The following SBSN variants were observed in gnomAD, a reference collection of about 807,000 sequenced individuals.
The protein encoded by SBSN is HLAR698.
SBSN carries 33 observed loss-of-function variants against 42.8 expected under a neutral mutation model. That is an observed-to-expected ratio of 0.77 (90% CI 0.58 to 1.03). The LOEUF (loss-of-function observed/expected upper bound fraction) is 1.03, where lower values mean the gene tolerates loss of function less well. Among genes scored for constraint, SBSN ranks in the 50% least tolerant of loss-of-function variants. SBSN has a pLI of 0.00. For missense variants in SBSN, 646 were observed against 757.3 expected (o/e 0.85, Z 1.72); for synonymous variants, 276 against 307.0 (o/e 0.90, Z 1.06).
In SBSN at chr19:35,523,390, A is replaced by G; in HGVS notation, c.*120T>C. ...CATAGTGTATCAAGTTTATTCACAA[A>G]TCCCAGTACAACCCCCTTCAGGGAT... On this transcript the variant is annotated 3_prime_UTR_variant, in exon 4 of 4. Coordinates refer to ENST00000452271, the MANE Select transcript of SBSN (RefSeq NM_001166034.2). 1.0e-6 allele frequency: 1 copy of G among 992,664 alleles called. No individual in the cohort carries two copies. The allele number at this position is 992,664 out of a possible 1,614,324, so 61.5% of individuals were successfully genotyped here.
In SBSN at chr19:35,526,996, G is replaced by A. The variant is rs1323297611; in HGVS notation, c.1286C>T (p.Thr429Ile). 4 of 1,548,718 alleles carry A rather than the reference G, an allele frequency of 2.6e-6. No homozygotes were observed. The highest frequency in any genetic ancestry group is 2.4e-5 in the East Asian group (1 of 40,866). ...TCCCTCTTTCCCAGCCTGCCCTGCT[G>A]TGTGGTGAATGTCGTGGCCAAACTG... The part of the protein sequence containing the change: ...AGQFGHDIHH[T>I]AGQAGKEGDI... The change falls in exon 1 of 4, where the codon ACA becomes ATA. Residue 429 changes from threonine to isoleucine, a missense_variant. Physicochemically the swap from Thr to Ile is moderately conservative, Grantham distance 89 (BLOSUM62 -1). Coordinates refer to ENST00000452271, the MANE Select transcript of SBSN (RefSeq NM_001166034.2).
intron 3 of SBSN, 111 bp from the exon 4 acceptor site, chr19:35,523,644 C>G (rs1026469497): frequency 9.3e-7 from 1 of 1,076,720 alleles, no homozygotes; most frequent in African/African-American, 1.6e-5. Context: ...CTGCTCTGGC[C>G]CCGGAGTTAT....
intron 1 of SBSN, among the ~76,000 whole-genome samples, chr19:35,525,987 G>A (rs1208181772): frequency 6.6e-6 from 1 of 152,024 alleles, no homozygotes; most frequent in South Asian, 2.1e-4. Context: ...CCTGGCCTCT[G>A]TTCCCCCTAC....
chr19:35,524,668 T>C, intron 3 of SBSN, 43 bp downstream of exon 3: 1 of 1,607,914 alleles, frequency 6.2e-7, no homozygotes, highest in Non-Finnish European at 8.5e-7. Flanking sequence ...TGAGCGTATC[T>C]ATCAGGACGC....
Position 35,524,725 on chromosome 19 carries a change from G to T in SBSN, c.1735C>A (p.Pro579Thr), listed in dbSNP as rs1052026565. The change falls in exon 3 of 4, where the codon CCC becomes ACC. Residue 579 changes from proline (P) to threonine (T), a missense_variant. This residue lies in a region of SBSN where 236 missense variants were observed against 225.6 expected (regional missense o/e 1.05). Coordinates refer to ENST00000452271, the MANE Select transcript of SBSN (RefSeq NM_001166034.2). ...GGGGCACTCACCCTCCACAGGGCGGGAAGGTTGATGAAAGGCGTGTTGACC... is the reference window on the plus strand; with the variant it reads ...GGGGCACTCACCCTCCACAGGGCGGTAAGGTTGATGAAAGGCGTGTTGACC... ...ASVNTPFINL[P>T]ALWRSVANIM... The T allele has an allele frequency of 1.5e-5, 24 of 1,613,948 alleles. No individual in the cohort carries two copies. Among genetic ancestry groups the T allele is most frequent in the Admixed American group, 1.0e-4 (6 of 59,986 alleles).
intron 1 of SBSN, among the ~76,000 whole-genome samples, chr19:35,525,573 G>A (rs1035243835): frequency 6.6e-5 from 10 of 151,888 alleles, no homozygotes; most frequent in South Asian, 4.2e-4. Flanking sequence ...GAGTGAGGGC[G>A]CACAGGAGTC....
rs749952312 is a variant in SBSN, at chr19:35,527,810, T to C, written c.472A>G (p.Asn158Asp). The change falls in exon 1 of 4, where the codon AAT (asparagine) becomes GAT (aspartate). Residue 158 changes from asparagine to aspartate, a missense_variant. Transcript: ENST00000452271. ...EAGKFGQGVD[N>D]AAGQAGNEAG... is the part of the protein sequence containing the mutation. ...TCATTTCCAGCCTGCCCTGCAGCAT[T>C]GTCGACTCCCTGGCCAAACTTCCCT... The C allele has an allele frequency of 4.4e-6, 7 of 1,608,718 alleles. No individual in the cohort carries two copies. In the Admixed American group the frequency reaches 1.2e-4, roughly 27 times the overall value.
At position 35,526,856 on chromosome 19, in the gene SBSN, C is replaced by T. The variant is rs758430386; in HGVS notation, c.1426G>A (p.Ala476Thr). 3 of 1,613,708 alleles carry T rather than the reference C, an allele frequency of 1.9e-6. No homozygotes were observed. Among genetic ancestry groups the T allele is most frequent in the Non-Finnish European group, 2.5e-6 (3 of 1,179,924 alleles). The change falls in exon 1 of 4, where the codon GCG (alanine) becomes ACG (threonine). Residue 476 changes from alanine (A) to threonine (T), a missense_variant. Physicochemically the swap from Ala to Thr is moderately conservative, Grantham distance 58. Coordinates refer to ENST00000452271, the MANE Select transcript of SBSN (RefSeq NM_001166034.2). ...ACCCCAGTGTGGAACCCTTGGACCG[C>T]TTTGTCTGCTTCCTTCCCGGCCTGT... ...LEQAGKEADK[A>T]VQGFHTGVHQ...
chr19:35,525,512 C>T (rs1459347427), intron 1 of SBSN, among the ~76,000 whole-genome samples: 4 of 141,356 alleles, frequency 2.8e-5, no homozygotes, highest in Admixed American at 1.4e-4. Context: ...TGGACTTCGA[C>T]GTCTGAGCCA....
rs1252054831 is a variant in SBSN, at chr19:35,527,279, C to G, written c.1003G>C (p.Gly335Arg). ...CCCTCACTGAGACCATGGTGGACCC[C>G]CTGGCCAAACCTCCCAGCCTCATTT... ...AGNEAGRFGQ[G>R]VHHGLSEGWK... The change falls in exon 1 of 4, where the codon GGG (glycine) becomes CGG (arginine). Residue 335 changes from glycine to arginine, a missense_variant. Coordinates refer to ENST00000452271, the MANE Select transcript of SBSN (RefSeq NM_001166034.2). 2.0e-5 allele frequency: 30 copies of G among 1,532,786 alleles called. No homozygotes were observed. Among genetic ancestry groups the G allele is most frequent in the Non-Finnish European group, 2.6e-5 (30 of 1,145,516 alleles). 94.9% of individuals were successfully genotyped at this position (1,532,786 alleles called of 1,614,324 possible).
chr19:35,526,567 CG>C, intron 1 of SBSN, 76 bp downstream of exon 1: 2 of 944,946 alleles, frequency 2.1e-6, no homozygotes, highest in South Asian at 1.8e-5. Flanking sequence ...CCCCCCGCCC[CG>C]CCAAATGTCC....
At chr19:35,526,538 A>T in intron 1 of SBSN, 106 bp downstream of exon 1, 1 of 1,075,130 alleles carries the variant, frequency 9.3e-7, no homozygotes, top group South Asian at 1.6e-5. Context: ...TTCTTTCACC[A>T]AACAAAGGCT....
intron 3 of SBSN, 76 bp from the exon 4 acceptor site, chr19:35,523,609 C>G (rs566323006): frequency 5.7e-5 from 84 of 1,474,584 alleles, no homozygotes; most frequent in Middle Eastern, 1.7e-4. Flanking sequence ...AGCCCCGCCC[C>G]TCGGGAGAAG....
chr19:35,526,715 C>A lies in SBSN; in HGVS notation c.1567G>T (p.Ala523Ser). The change falls in exon 1 of 4, where the codon GCC (alanine) becomes TCC (serine). Residue 523 changes from alanine to serine, a missense_variant. By Grantham distance (99) the Ala-to-Ser change is moderately conservative. Around this residue, in one of 3 missense-constraint regions of SBSN, gnomAD observed 236 missense variants for 225.6 expected, o/e 1.05. Transcript: ENST00000452271. ...GQGAHHAAGQ[A>S]GKELQNAHNG... ...TGAGCATTCTGCAGCTCCTTCCCGGCCTGGCCAGCAGCATGGTGGGCACCT... is the reference window on the plus strand; with the variant it reads ...TGAGCATTCTGCAGCTCCTTCCCGGACTGGCCAGCAGCATGGTGGGCACCT... The A allele has an allele frequency of 1.9e-6, 3 of 1,613,950 alleles. No homozygotes were observed. The highest frequency in any genetic ancestry group is 2.5e-6 in the Non-Finnish European group (3 of 1,179,968).
chr19:35,528,309 G>A lies in SBSN; in HGVS notation c.-28C>T, dbSNP rs749020365. 6.4e-7 allele frequency: 1 copy of A among 1,570,036 alleles called. No individual in the cohort carries two copies. The highest frequency in any genetic ancestry group is 8.6e-7 in the Non-Finnish European group (1 of 1,160,442). On this transcript the variant is annotated 5_prime_UTR_variant, in exon 1 of 4. Coordinates refer to ENST00000452271, the MANE Select transcript of SBSN (RefSeq NM_001166034.2). ...TGCTGGGAAGGTCGGGAAGGATGCA[G>A]AGAGGAGCCAGGGAAGCCACGCTGC...
chr19:35,527,322 A>G lies in SBSN; in HGVS notation c.960T>C (p.His320=). 6.5e-7 allele frequency: 1 copy of G among 1,532,108 alleles called. No homozygotes were observed. The allele number at this position is 1,532,108 out of a possible 1,614,324, so 94.9% of individuals were successfully genotyped here. A position where few individuals can be genotyped will look rare whatever the true frequency, so the allele number is the denominator to read the frequency against. ...CCTCATTTCCGGCCTGCCCCGCAGC[A>G]TGGTGGGCCCCCTGGCCAAATCTCC... The part of the protein sequence containing the change: ...EAGRFGQGAH[H]AAGQAGNEAG... Residue 320 remains histidine, a synonymous_variant, in exon 1 of 4, where the codon CAT becomes CAC. Coordinates refer to ENST00000452271, the MANE Select transcript of SBSN (RefSeq NM_001166034.2).
rs141613269 is a variant in SBSN at position 35,528,256 on chromosome 19, G to A, written c.26C>T (p.Ser9Phe). 165 of 1,612,426 alleles carry A rather than the reference G, an allele frequency of 1.0e-4. No homozygotes were observed. Among genetic ancestry groups the A allele is most frequent in the Non-Finnish European group, 1.3e-4 (152 of 1,179,672 alleles). The change falls in exon 1 of 4, where the codon TCC becomes TTC. Residue 9 changes from serine (S) to phenylalanine (F), a missense_variant. By Grantham distance (155) the Ser-to-Phe change is radical. Around this residue, in one of 3 missense-constraint regions of SBSN, gnomAD observed 190 missense variants for 197.1 expected, o/e 0.96. Transcript: ENST00000452271. MHLARLVG[S>F]CSLLLLLGAL... The stretch of plus-strand genomic sequence containing the variant: ...CCCCAGTAGCAGAAGGAGGGAGCAG[G>A]AGCCGACCAGACGTGCAAGATGCAT...
At chr19:35,525,728 G>C (rs2071363124) in intron 1 of SBSN, among the ~76,000 whole-genome samples, 1 of 152,064 alleles carries the variant, frequency 6.6e-6, no homozygotes, top group Non-Finnish European at 1.5e-5. Context: ...TGTTGCCCAG[G>C]CTGGAGTGCA....
Position 35,526,714 on chromosome 19 carries a change from G to T in SBSN, c.1568C>A (p.Ala523Asp). The T allele has an allele frequency of 6.2e-7, 1 of 1,613,442 alleles. No individual in the cohort carries two copies. The highest frequency in any genetic ancestry group is 8.5e-7 in the Non-Finnish European group (1 of 1,179,774). The change falls in exon 1 of 4, where the codon GCC (alanine) becomes GAC (aspartate). Residue 523 changes from alanine to aspartate, a missense_variant. Physicochemically the swap from Ala to Asp is moderately radical, Grantham distance 126. This residue lies in a region of SBSN where 236 missense variants were observed against 225.6 expected (regional missense o/e 1.05). Transcript: ENST00000452271. ...ATGAGCATTCTGCAGCTCCTTCCCG[G>T]CCTGGCCAGCAGCATGGTGGGCACC... is the stretch of plus-strand genomic sequence containing the variant. ...GQGAHHAAGQ[A>D]GKELQNAHNG...
Sources: allele counts gnomAD v4.1 joint callset (sites outside exome capture counted in the v4.1 genomes callset), GRCh38; gene constraint gnomAD v4.1.1; regional missense constraint gnomAD v4.1.1; transcripts MANE v1.5; gene names NCBI Gene and HGNC (gene_info 2026-07-23, HGNC 2026-07-21).